FAF1: variants seen among roughly 807,000 people sequenced by gnomAD.
FAF1 encodes the protein Fas associated factor 1.
FAF1 carries 25 observed loss-of-function variants against 92.5 expected under a neutral mutation model. That is an observed-to-expected ratio of 0.27 (90% confidence interval 0.20 to 0.38). FAF1 has a LOEUF of 0.38. Among genes scored for constraint, FAF1 ranks in the 10% least tolerant of loss-of-function variants. The pLI is 1.00. For missense variants in FAF1, 636 were observed against 793.3 expected, an observed-to-expected ratio of 0.80 and a Z score of 2.38; for synonymous variants, 234 against 273.2, an observed-to-expected ratio of 0.86 and a Z score of 1.42.
chr1:50,916,305 A>G (rs1644918093), intron 1 of FAF1, among the ~76,000 whole-genome samples: 1 of 152,198 alleles, frequency 6.6e-6, no homozygotes, highest in Admixed American at 6.5e-5. Context: ...GGATTAAGTA[A>G]ATTATTCAGT....
chr1:50,944,195 C>T (rs527781185), intron 1 of FAF1, among the ~76,000 whole-genome samples: 1 of 152,276 alleles, frequency 6.6e-6, no homozygotes, highest in South Asian at 2.1e-4. Context: ...TCCAGTAGAC[C>T]TCCCAGTAAG....
In FAF1 at chr1:50,776,554, C is replaced by A. The variant is rs573415777; in HGVS notation, c.367+11446G>T. 2.0e-5 allele frequency among the ~76,000 whole-genome samples: 3 copies of A among 151,556 alleles called. No homozygotes were observed. The East Asian group carries it at 5.8e-4, about 29-fold the overall frequency. On this transcript the variant is annotated intron_variant, in intron 4 of 18. Transcript: ENST00000396153. Reference sequence around the variant, plus strand: ...TTTAGTTGAAAAAATACTTAATAGTCCATCAAAAAAAAGAACAAGGTTTTT... The same window carrying A: ...TTTAGTTGAAAAAATACTTAATAGTACATCAAAAAAAAGAACAAGGTTTTT...
chr1:50,646,442 T>C (rs1320665635), intron 8 of FAF1, among the ~76,000 whole-genome samples: 6 of 152,246 alleles, frequency 3.9e-5, no homozygotes, highest in African/African-American at 1.4e-4. Context: ...TTTATTGCCA[T>C]AGATGTCAAC....
At chr1:50,516,846 C>CCA (rs1647237700) in intron 15 of FAF1, among the ~76,000 whole-genome samples, 1 of 152,180 alleles carries the variant, frequency 6.6e-6, no homozygotes, top group Non-Finnish European at 1.5e-5. Context: ...TTTTCACAAA[C>CCA]ACTTTGGATT....
intron 1 of FAF1, among the ~76,000 whole-genome samples, chr1:50,922,090 C>T (rs1487092600): frequency 6.7e-6 from 1 of 149,644 alleles, no homozygotes; most frequent in African/African-American, 2.5e-5. Flanking sequence ...TGCTTAGAAC[C>T]CGGGAGGCAG....
chr1:50,701,402 C>CA (rs34415491), intron 7 of FAF1, among the ~76,000 whole-genome samples: 46,868 of 151,248 alleles, frequency 0.31, 9,149 homozygotes, highest in East Asian at 0.76. Flanking sequence ...ACAAACAAAC[C>CA]AAAAAAAACA....
intron 4 of FAF1, chr1:50,780,260 A>T (rs903422024): frequency 6.6e-6 from 1 of 152,518 alleles, no homozygotes; most frequent in African/African-American, 2.4e-5. Context: ...AGATACAAAA[A>T]GATACCCCAA....
chr1:50,940,300 C>T (rs190406292), intron 1 of FAF1, among the ~76,000 whole-genome samples: 1 of 152,324 alleles, frequency 6.6e-6, no homozygotes, highest in Admixed American at 6.5e-5. Context: ...ATCCAGTCAG[C>T]ATTGGCAGAG....
intron 1 of FAF1, among the ~76,000 whole-genome samples, chr1:50,887,715 C>T (rs1432729518): frequency 1.3e-5 from 2 of 152,154 alleles, no homozygotes; most frequent in Non-Finnish European, 2.9e-5. Context: ...TTGGAGGGCT[C>T]TGTTCTGTTC....
intron 6 of FAF1, among the ~76,000 whole-genome samples, chr1:50,732,059 CATTATT>C (rs972779942): frequency 1.3e-5 from 2 of 151,596 alleles, no homozygotes; most frequent in Non-Finnish European, 2.9e-5. Flanking sequence ...TTGCTAAATA[CATTATT>C]ATTATTATTT....
chr1:50,456,078 C>G (rs1400772493), intron 18 of FAF1, among the ~76,000 whole-genome samples: 2 of 150,814 alleles, frequency 1.3e-5, no homozygotes, highest in Non-Finnish European at 3.0e-5. Flanking sequence ...CTGCTTTAAA[C>G]AAAAAAAAAT....
At chr1:50,872,856 G>A (rs1191676972) in intron 1 of FAF1, among the ~76,000 whole-genome samples, 1 of 151,456 alleles carries the variant, frequency 6.6e-6, no homozygotes, top group Non-Finnish European at 1.5e-5. Context: ...CCGAGATTGC[G>A]CCACTGCACT....
intron 8 of FAF1, among the ~76,000 whole-genome samples, chr1:50,616,711 C>A (rs1266594892): frequency 6.7e-6 from 1 of 148,242 alleles, no homozygotes; most frequent in Non-Finnish European, 1.5e-5. Flanking sequence ...GACAGAGTCT[C>A]ACTCTGTTGC....
chr1:50,655,369 A>G lies in FAF1; in HGVS notation c.744+73T>C, dbSNP rs951275537. ...CTCAAAGCATTTAATTGTGCTTATT[A>G]TCAAAGCCAATTAGACTGAAAGTGG... is the stretch of plus-strand genomic sequence containing the variant. On this transcript the variant is annotated intron_variant, in intron 8 of 18. Coordinates refer to ENST00000396153, the MANE Select transcript of FAF1 (RefSeq NM_007051.3). The G allele has an allele frequency of 1.2e-5, 12 of 984,550 alleles. No individual in the cohort carries two copies. In the African/African-American group the frequency reaches 1.9e-4, roughly 16 times the overall value. The allele number at this position is 984,550 out of a possible 1,614,324, so 61.0% of individuals were successfully genotyped here. A position where few individuals can be genotyped will look rare whatever the true frequency, so the allele number is the denominator to read the frequency against.
chr1:50,623,439 T>C (rs1443557544), intron 8 of FAF1, among the ~76,000 whole-genome samples: 2 of 151,342 alleles, frequency 1.3e-5, no homozygotes, highest in African/African-American at 4.9e-5. Context: ...TGTGGCGGCG[T>C]GCACCTGTAG....
At chr1:50,766,133 G>T (rs1363287967) in intron 4 of FAF1, among the ~76,000 whole-genome samples, 2 of 151,898 alleles carry the variant, frequency 1.3e-5, no homozygotes, top group Non-Finnish European at 2.9e-5. Context: ...TCTCAGAGTA[G>T]AAACAATAAA....
intron 15 of FAF1, among the ~76,000 whole-genome samples, chr1:50,494,643 C>T (rs931254035): frequency 2.0e-5 from 3 of 152,198 alleles, no homozygotes; most frequent in Admixed American, 6.5e-5. Context: ...TGTCACTGCT[C>T]TCATATTGCG....
At chr1:50,946,625 TAAC>T (rs1300063487) in intron 1 of FAF1, among the ~76,000 whole-genome samples, 3 of 152,204 alleles carry the variant, frequency 2.0e-5, no homozygotes, top group African/African-American at 7.2e-5. Flanking sequence ...GCTAGCAAGC[TAAC>T]AACTTAGCCT....
At chr1:50,574,581 CAA>C (rs1264341970) in intron 12 of FAF1, among the ~76,000 whole-genome samples, 1 of 152,146 alleles carries the variant, frequency 6.6e-6, no homozygotes, top group African/African-American at 2.4e-5. Flanking sequence ...GTGCGAATGT[CAA>C]GTGTACTCCT....
Sources: allele counts gnomAD v4.1 joint callset (sites outside exome capture counted in the v4.1 genomes callset), GRCh38; gene constraint gnomAD v4.1.1; transcripts MANE v1.5; gene names NCBI Gene and HGNC (gene_info 2026-07-23, HGNC 2026-07-21).